TMEM232: variants seen among roughly 807,000 people sequenced by gnomAD.
TMEM232 encodes the protein transmembrane protein 232.
TMEM232 carries 80 observed loss-of-function variants against 78.8 expected under a neutral mutation model. The ratio of observed to expected loss-of-function variants is 1.01; its 90% CI spans 0.85 to 1.22. The LOEUF is 1.22. TMEM232 is among the 50% of genes most tolerant of loss of function. The pLI is 0.00. For synonymous variants in TMEM232, 297 were observed against 254.3 expected, an observed-to-expected ratio of 1.17 and a Z score of -1.60; for missense variants, 881 against 742.2, an observed-to-expected ratio of 1.19 and a Z score of -2.17.
intron 2 of TMEM232, among the ~76,000 whole-genome samples, chr5:110,402,593 G>T (rs115286085): frequency 6.6e-6 from 1 of 152,060 alleles, no homozygotes; most frequent in African/African-American, 2.4e-5. Flanking sequence ...GACAGGACTT[G>T]GGAGAACCAG....
intron 1 of TMEM232, among the ~76,000 whole-genome samples, chr5:110,715,705 A>C (rs1352832448): frequency 6.6e-6 from 1 of 152,076 alleles, no homozygotes; most frequent in Non-Finnish European, 1.5e-5. Flanking sequence ...GTTAACCTAA[A>C]AGACTGGTTC....
chr5:110,683,536 T>TTTA (rs1404730019), intron 1 of TMEM232, among the ~76,000 whole-genome samples: 1 of 151,976 alleles, frequency 6.6e-6, no homozygotes, highest in African/African-American at 2.4e-5. Context: ...AAAACTGCTT[T>TTTA]TAAAATTGTT....
At chr5:110,633,956 G>A (rs1366756136) in intron 5 of TMEM232, among the ~76,000 whole-genome samples, 1 of 152,038 alleles carries the variant, frequency 6.6e-6, no homozygotes, top group Non-Finnish European at 1.5e-5. Flanking sequence ...TATAAGAAAT[G>A]CACCTTACCT....
At chr5:110,551,659 C>A (rs1393626350) in intron 11 of TMEM232, among the ~76,000 whole-genome samples, 1 of 152,110 alleles carries the variant, frequency 6.6e-6, no homozygotes, top group Non-Finnish European at 1.5e-5. Context: ...ACATACCCTG[C>A]AAATGTTGAG....
At chr5:110,526,521 C>T (rs1204358801) in intron 12 of TMEM232, among the ~76,000 whole-genome samples, 3 of 151,884 alleles carry the variant, frequency 2.0e-5, no homozygotes, top group Middle Eastern at 3.4e-3. Context: ...CATATTTTAC[C>T]TCTCAGATTG....
intron 13 of TMEM232, among the ~76,000 whole-genome samples, chr5:110,424,337 G>T (rs1482662670): frequency 6.6e-6 from 1 of 152,114 alleles, no homozygotes; most frequent in South Asian, 2.1e-4. Flanking sequence ...ATTTGGTTAA[G>T]AAATTATCAA....
chr5:110,567,115 C>T (rs1448550640), intron 11 of TMEM232, among the ~76,000 whole-genome samples: 1 of 151,784 alleles, frequency 6.6e-6, no homozygotes, highest in African/African-American at 2.4e-5. Flanking sequence ...CAATTAACTC[C>T]CACCAGGTAC....
intron 1 of TMEM232, among the ~76,000 whole-genome samples, chr5:110,697,922 C>T (rs1424060684): frequency 6.6e-6 from 1 of 152,166 alleles, no homozygotes; most frequent in East Asian, 1.9e-4. Flanking sequence ...TTTGACCCAG[C>T]CATCCCATTA....
At chr5:110,632,164 C>G (rs140461488) in intron 5 of TMEM232, among the ~76,000 whole-genome samples, 1 of 152,034 alleles carries the variant, frequency 6.6e-6, no homozygotes, top group Non-Finnish European at 1.5e-5. Context: ...AGAAATCATA[C>G]AGGGACTGCA....
At chr5:110,693,768 G>A (rs1794425563) in intron 1 of TMEM232, among the ~76,000 whole-genome samples, 1 of 152,170 alleles carries the variant, frequency 6.6e-6, no homozygotes. Flanking sequence ...AGAATAAAAA[G>A]AAACAAACAA....
At chr5:110,612,200 T>C (rs963207769) in intron 8 of TMEM232, among the ~76,000 whole-genome samples, 1 of 152,160 alleles carries the variant, frequency 6.6e-6, no homozygotes, top group African/African-American at 2.4e-5. Context: ...TTCATAGGGG[T>C]TAAGCAACAT....
intron 12 of TMEM232, among the ~76,000 whole-genome samples, chr5:110,521,646 G>C (rs1459351047): frequency 1.3e-5 from 2 of 152,082 alleles, no homozygotes; most frequent in Non-Finnish European, 2.9e-5. Flanking sequence ...TGGTGTAAGA[G>C]TTCAATTTCA....
At chr5:110,543,483 A>T (rs1200003941) in intron 11 of TMEM232, among the ~76,000 whole-genome samples, 1 of 152,204 alleles carries the variant, frequency 6.6e-6, no homozygotes, top group African/African-American at 2.4e-5. Context: ...AAAGATCTGA[A>T]ATCAAGTGTG....
chr5:110,500,787 A>G (rs1031475167), intron 12 of TMEM232, among the ~76,000 whole-genome samples: 1 of 152,210 alleles, frequency 6.6e-6, no homozygotes, highest in Admixed American at 6.5e-5. Context: ...TACGTTTACA[A>G]TTCAGTATAG....
intron 2 of TMEM232, among the ~76,000 whole-genome samples, chr5:110,413,501 A>C (rs975624490): frequency 2.0e-5 from 3 of 152,056 alleles, no homozygotes; most frequent in Admixed American, 6.6e-5. Flanking sequence ...TCATATATAC[A>C]TCTATCTTAT....
intron 1 of TMEM232, among the ~76,000 whole-genome samples, chr5:110,716,930 A>G (rs1054788543): frequency 2.6e-5 from 4 of 152,158 alleles, no homozygotes; most frequent in African/African-American, 4.8e-5. Context: ...GACAGTAATT[A>G]CAAAAAGCCA....
upstream of TMEM232, among the ~76,000 whole-genome samples, chr5:110,730,855 C>T (rs1410990033): frequency 1.3e-5 from 2 of 152,134 alleles, no homozygotes; most frequent in Non-Finnish European, 2.9e-5. Flanking sequence ...CTCCAAATCT[C>T]ATGTCCTCAC....
At chr5:110,677,569 C>T (rs1792180705) in intron 1 of TMEM232, among the ~76,000 whole-genome samples, 1 of 152,064 alleles carries the variant, frequency 6.6e-6, no homozygotes, top group Non-Finnish European at 1.5e-5. Flanking sequence ...TATCACTAAG[C>T]ATCGTATTAT....
intron 1 of TMEM232, among the ~76,000 whole-genome samples, chr5:110,719,149 G>A (rs1203530820): frequency 6.6e-6 from 1 of 151,538 alleles, no homozygotes; most frequent in Non-Finnish European, 1.5e-5. Flanking sequence ...ATACTATGAA[G>A]TACATGACTG....
Sources: allele counts gnomAD v4.1 joint callset (sites outside exome capture counted in the v4.1 genomes callset), GRCh38; gene constraint gnomAD v4.1.1; transcripts MANE v1.5; gene names NCBI Gene and HGNC (gene_info 2026-07-23, HGNC 2026-07-21).